The following ZKSCAN3 variants were observed in gnomAD, a reference collection of about 807,000 sequenced individuals.
The protein encoded by ZKSCAN3 is zinc finger with KRAB and SCAN domains 3.
A neutral mutation model predicts 30.7 loss-of-function variants in ZKSCAN3; 21 were observed. The ratio of observed to expected loss-of-function variants is 0.68; its 90% confidence interval spans 0.49 to 0.99. ZKSCAN3 has a LOEUF of 0.99. ZKSCAN3 is among the 50% of genes least tolerant of loss of function. The pLI is 0.00. For missense variants in ZKSCAN3, 507 were observed against 647.1 expected (o/e 0.78, Z 2.35); for synonymous variants, 201 against 246.7 (o/e 0.81, Z 1.73).
chr6:28,357,851 C>T (rs939759568), intron 1 of ZKSCAN3, among the ~76,000 whole-genome samples: 1 of 152,120 alleles, frequency 6.6e-6, no homozygotes, highest in Non-Finnish European at 1.5e-5. Context: ...CCCAAAGATC[C>T]GAAGAGCCTG....
chr6:28,358,043 C>T (rs1306260961), intron 1 of ZKSCAN3, among the ~76,000 whole-genome samples: 2 of 152,206 alleles, frequency 1.3e-5, no homozygotes, highest in African/African-American at 2.4e-5. Context: ...AGTACCTTGA[C>T]CACAGATAAG....
At chr6:28,361,565 T>A in intron 3 of ZKSCAN3, 94 bp downstream of exon 3, 1 of 1,382,398 alleles carries the variant, frequency 7.2e-7, no homozygotes, top group Non-Finnish European at 9.8e-7. Flanking sequence ...GGGGCTTATG[T>A]GCCCATCACA....
chr6:28,360,050 A>G (rs769639416), intron 2 of ZKSCAN3, 62 bp downstream of exon 2: 42 of 1,613,590 alleles, frequency 2.6e-5, no homozygotes, highest in Non-Finnish European at 3.4e-5. Context: ...ATCCCAGATC[A>G]GAGTGAGGGG....
At position 28,351,809 on chromosome 6, in the gene ZKSCAN3, A is replaced by G. The variant is rs1216120872; in HGVS notation, c.-63+1742A>G. Among the ~76,000 whole-genome samples the G allele has an allele frequency of 6.6e-6, 1 of 151,288 alleles. No individual in the cohort carries two copies. Among genetic ancestry groups the G allele is most frequent in the East Asian group, 1.9e-4 (1 of 5,144 alleles). ...TCTTTCATTTTATAGCAAATTGCAG[A>G]TGGAAACATTTTAGTTCACTCACAA... is the stretch of plus-strand genomic sequence containing the variant. On this transcript the variant is annotated intron_variant, in intron 1 of 5. Transcript: ENST00000252211. This position sits in a 1 kb window ranked among gnomAD's most constrained non-coding sequence, Gnocchi z 4.6.
rs56184876 is a variant in ZKSCAN3, at chr6:28,366,220, A to G, written c.1552A>G (p.Thr518Ala). 1 of 1,570,428 alleles carries G rather than the reference A, an allele frequency of 6.4e-7. No individual in the cohort carries two copies. The highest frequency in any genetic ancestry group is 8.6e-7 in the Non-Finnish European group (1 of 1,164,262). Residue 518 changes from threonine (T) to alanine (A), a missense_variant, in exon 6 of 6, where the codon ACC becomes GCC. Thr to Ala is a moderately conservative substitution (Grantham distance 58). Transcript: ENST00000252211. ...YQCNACGKGF[T>A]RISYLVQHQR... ...GTGTAATGCGTGTGGAAAAGGCTTCACCCGAATTTCATACCTTGTTCAACA... is the reference window on the plus strand; with the variant it reads ...GTGTAATGCGTGTGGAAAAGGCTTCGCCCGAATTTCATACCTTGTTCAACA...
rs1765055326 is a variant in ZKSCAN3, at chr6:28,351,931, C to A, written c.-63+1864C>A. Among the ~76,000 whole-genome samples the A allele has an allele frequency of 6.6e-6, 1 of 151,894 alleles. No individual in the cohort carries two copies. The highest frequency in any genetic ancestry group is 2.1e-4 in the South Asian group (1 of 4,828). The stretch of plus-strand genomic sequence containing the variant: ...ACACGCAAAAAAATTGACAATAATT[C>A]CTTGATATCATTATCTTGATTTTCA... On this transcript the variant is annotated intron_variant, in intron 1 of 5. Coordinates refer to ENST00000252211, the MANE Select transcript of ZKSCAN3 (RefSeq NM_024493.4). The surrounding 1 kb of genome is among the most constrained non-coding windows in gnomAD (Gnocchi z 4.6).
At chr6:28,361,252 A>G in intron 2 of ZKSCAN3, 72 bp from the exon 3 acceptor site, 1 of 1,507,142 alleles carries the variant, frequency 6.6e-7, no homozygotes, top group Middle Eastern at 1.9e-4. Flanking sequence ...TCTTGGAAAT[A>G]GTGCCAGCCA....
chr6:28,352,449 C>T (rs1339336831), intron 1 of ZKSCAN3, among the ~76,000 whole-genome samples: 2 of 152,020 alleles, frequency 1.3e-5, no homozygotes, highest in African/African-American at 4.8e-5. Context: ...GACAGGGTTT[C>T]GTCATATGGG....
intron 5 of ZKSCAN3, among the ~76,000 whole-genome samples, chr6:28,364,678 T>C (rs1765887231): frequency 6.6e-6 from 1 of 152,182 alleles, no homozygotes; most frequent in Non-Finnish European, 1.5e-5. Flanking sequence ...CTTTATCGTA[T>C]CATTGATCAG....
chr6:28,356,174 A>C (rs183533685), intron 1 of ZKSCAN3: 1 of 152,354 alleles, frequency 6.6e-6, no homozygotes, highest in East Asian at 1.9e-4. Flanking sequence ...CACCTGGGTC[A>C]GTTCCCAATC....
chr6:28,354,912 G>C (rs1014986857), intron 1 of ZKSCAN3, among the ~76,000 whole-genome samples: 4 of 152,222 alleles, frequency 2.6e-5, no homozygotes, highest in African/African-American at 4.8e-5. Context: ...TATCAGTGCA[G>C]ATTACGTGTC....
chr6:28,359,800 C>G lies in ZKSCAN3; in HGVS notation c.214C>G (p.Arg72Gly), dbSNP rs770547963. 5 of 1,614,188 alleles carry G rather than the reference C, an allele frequency of 3.1e-6. No individual in the cohort carries two copies. The South Asian group carries it at 4.4e-5, about 14-fold the overall frequency. Residue 72 changes from arginine to glycine, a missense_variant, in exon 2 of 6, where the codon CGA becomes GGA. Coordinates refer to ENST00000252211, the MANE Select transcript of ZKSCAN3 (RefSeq NM_024493.4). ...GCTGAGTCGGCTCCGAGAGCTCTGC[C>G]GACAGTGGCTGCAGCCTGAGATGCA... Reference protein sequence around the residue: ...EALSRLRELCRQWLQPEMHSK... With the variant: ...EALSRLRELCGQWLQPEMHSK...
intron 1 of ZKSCAN3, chr6:28,350,332 A>C (rs1216108033): frequency 6.6e-6 from 1 of 152,240 alleles, no homozygotes; most frequent in African/African-American, 2.4e-5. Flanking sequence ...TGCATGGGTC[A>C]CATAGACAAG....
Position 28,365,615 on chromosome 6 carries a change from G to A in ZKSCAN3, c.947G>A (p.Cys316Tyr). Residue 316 changes from cysteine (C) to tyrosine (Y), a missense_variant, in exon 6 of 6, where the codon TGC (cysteine) becomes TAC (tyrosine). By Grantham distance (194) the Cys-to-Tyr change is radical (BLOSUM62 -2). Coordinates refer to ENST00000252211, the MANE Select transcript of ZKSCAN3 (RefSeq NM_024493.4). ...GCCACAGGAGGGAGGCGGCACATCTGCCATGAATGTGGAAAGAGTTTTGCT... is the reference window on the plus strand; with the variant it reads ...GCCACAGGAGGGAGGCGGCACATCTACCATGAATGTGGAAAGAGTTTTGCT... ...KNATGGRRHI[C>Y]HECGKSFAQS... 2 of 1,614,268 alleles carry A rather than the reference G, an allele frequency of 1.2e-6. No individual in the cohort carries two copies. Among genetic ancestry groups the A allele is most frequent in the Non-Finnish European group, 1.7e-6 (2 of 1,180,060 alleles).
At chr6:28,354,756 G>C (rs1303792780) in intron 1 of ZKSCAN3, among the ~76,000 whole-genome samples, 1 of 152,228 alleles carries the variant, frequency 6.6e-6, no homozygotes, top group Non-Finnish European at 1.5e-5. Context: ...ACAGGTTACT[G>C]TTTGTCCCCA....
rs1766060682 is a variant in ZKSCAN3 at position 28,368,474 on chromosome 6, T to C, written c.*2189T>C. The C allele has an allele frequency of 6.6e-6, 1 of 152,154 alleles. No individual in the cohort carries two copies. The allele number at this position is 152,154 out of a possible 1,614,324, so 9.4% of individuals were successfully genotyped here. A position where few individuals can be genotyped will look rare whatever the true frequency, so the allele number is the denominator to read the frequency against. On this transcript the variant is annotated 3_prime_UTR_variant, in exon 6 of 6. Transcript: ENST00000252211. ...TACTGTGTAGACCATCTTTTTTTTT[T>C]CCCATCATGATAGTCAAAATTTTAG...
chr6:28,352,886 G>T (rs1157134307), intron 1 of ZKSCAN3, among the ~76,000 whole-genome samples: 1 of 151,984 alleles, frequency 6.6e-6, no homozygotes, highest in Non-Finnish European at 1.5e-5. Flanking sequence ...AGGAATAGAG[G>T]TTCAGGAAGA....
intron 1 of ZKSCAN3, among the ~76,000 whole-genome samples, chr6:28,352,057 T>C (rs1765069610): frequency 6.6e-6 from 1 of 152,214 alleles, no homozygotes; most frequent in African/African-American, 2.4e-5. Context: ...TTGCATTTAT[T>C]TGATAAGTCT....
rs1375312850 is a variant in ZKSCAN3 at position 28,365,422 on chromosome 6, TC to T, written c.758-3del. 4.4e-6 allele frequency: 7 copies of T among 1,600,074 alleles called. No individual in the cohort carries two copies. The highest frequency in any genetic ancestry group is 6.0e-6 in the Non-Finnish European group (7 of 1,173,844). ...CCACAGTTGCCAGTTATTTGTTGTT[TC>T]AGGTGATGAAAAACAGACTAAGAGC... On this transcript the variant is annotated splice_polypyrimidine_tract_variant and splice_region_variant and intron_variant, in intron 5 of 5. Transcript: ENST00000252211.
Sources: gnomAD v4.1 joint callset for allele counts (sites outside exome capture counted in the v4.1 genomes callset) on GRCh38, gnomAD v4.1.1 for gene constraint, Gnocchi (gnomAD v3.1) non-coding constraint, MANE v1.5 for transcripts, NCBI Gene and HGNC (gene_info 2026-07-23, HGNC 2026-07-21) for gene names.